ZNF585A: variants seen among roughly 807,000 people sequenced by gnomAD.
ZNF585A encodes zinc finger protein 585A.
ZNF585A carries 9 observed loss-of-function variants against 14.9 expected under a neutral mutation model. That is an observed-to-expected ratio of 0.60 (90% CI 0.36 to 1.05). The LOEUF is 1.05. ZNF585A is among the 50% of genes least tolerant of loss of function. The pLI, the probability that ZNF585A is intolerant of heterozygous loss-of-function variation, is 0.01. For synonymous variants in ZNF585A, 276 were observed against 319.9 expected, an observed-to-expected ratio of 0.86 and a Z score of 1.46; for missense variants, 726 against 926.4, an observed-to-expected ratio of 0.78 and a Z score of 2.81.
At chr19:37,165,548 TTGC>T (rs1203418802) in intron 2 of ZNF585A, 2 of 728,388 alleles carry the variant, frequency 2.7e-6, no homozygotes, top group African/African-American at 3.9e-5. Context: ...TTGGAGTGGG[TTGC>T]TGAGAACATA....
Position 37,151,738 on chromosome 19 carries a change from C to T in ZNF585A, c.2161G>A (p.Ala721Thr), listed in dbSNP as rs774976730. 2 of 1,614,062 alleles carry T rather than the reference C, an allele frequency of 1.2e-6. No individual in the cohort carries two copies. The highest frequency in any genetic ancestry group is 2.2e-5 in the South Asian group (2 of 91,078). ...IHTGEKPYVC[A>T]ECGKAFTDRS... Reference sequence around the variant, plus strand: ...TCAGTAAAGGCCTTCCCACACTCAGCACACACGTAAGGCTTCTCTCCAGTG... The same window carrying T: ...TCAGTAAAGGCCTTCCCACACTCAGTACACACGTAAGGCTTCTCTCCAGTG... Residue 721 changes from alanine (A) to threonine (T), a missense_variant, in exon 5 of 5, where the codon GCT (alanine) becomes ACT (threonine). Around this residue, in one of 2 missense-constraint regions of ZNF585A, gnomAD observed 243 missense variants for 383.6 expected, o/e 0.63. Transcript: ENST00000292841.
intron 2 of ZNF585A, among the ~76,000 whole-genome samples, chr19:37,159,338 T>A (rs190164949): frequency 6.6e-6 from 1 of 152,026 alleles, no homozygotes; most frequent in Admixed American, 6.6e-5. Context: ...TATACTATTA[T>A]CTTTACTTTT....
chr19:37,161,555 A>G (rs1242045983), intron 2 of ZNF585A, among the ~76,000 whole-genome samples: 2 of 152,072 alleles, frequency 1.3e-5, no homozygotes, highest in Admixed American at 1.3e-4. Flanking sequence ...TTTTTCAATA[A>G]AAGTTACATA....
intron 2 of ZNF585A, among the ~76,000 whole-genome samples, chr19:37,156,718 G>T (rs1340674689): frequency 6.6e-6 from 1 of 151,658 alleles, no homozygotes; most frequent in Non-Finnish European, 1.5e-5. Flanking sequence ...CCGAAACAGA[G>T]TCTCGCTCTG....
chr19:37,151,199 T>C lies in ZNF585A; in HGVS notation c.*390A>G, dbSNP rs1971823039. On this transcript the variant is annotated 3_prime_UTR_variant, in exon 5 of 5. Transcript: ENST00000292841. ...ATTCATCACTATCAAAATAACTACG[T>C]ATTATGTTGTTTTATCATTCAATTT... 1 of 410,660 alleles carries C rather than the reference T, an allele frequency of 2.4e-6. No homozygotes were observed. Among genetic ancestry groups the C allele is most frequent in the Admixed American group, 3.9e-5 (1 of 25,700 alleles). The allele number at this position is 410,660 out of a possible 1,614,324, so 25.4% of individuals were successfully genotyped here.
chr19:37,156,238 G>T lies in ZNF585A; in HGVS notation c.190C>A (p.Leu64Ile), dbSNP rs191689150. The change falls in exon 3 of 5, where the codon CTC becomes ATC. Residue 64 changes from leucine to isoleucine, a missense_variant. By Grantham distance (5) the Leu-to-Ile change is conservative. Coordinates refer to ENST00000292841, the MANE Select transcript of ZNF585A (RefSeq NM_001288800.2). ...DVMLETYSHL[L>I]SVGYQVPEAE... ...AGGTGACTGTGCTTACCTACTGAGA[G>T]CAGGTGGCTGTAGGTCTCCAGCATC... The T allele has an allele frequency of 2.5e-6, 4 of 1,614,100 alleles. No homozygotes were observed. The Admixed American group carries it at 6.7e-5, about 27-fold the overall frequency.
chr19:37,165,622 A>G (rs546685573), intron 2 of ZNF585A: 1 of 984,594 alleles, frequency 1.0e-6, no homozygotes, highest in African/African-American at 1.7e-5. Context: ...CTACTCTTCA[A>G]TGCAGTTAGT....
intron 2 of ZNF585A, among the ~76,000 whole-genome samples, chr19:37,160,492 A>C (rs762958320): frequency 2.6e-5 from 4 of 151,958 alleles, no homozygotes; most frequent in Non-Finnish European, 5.9e-5. Context: ...GAGAAAAATC[A>C]CTGTAACACA....
chr19:37,165,453 T>C (rs1854418087), intron 2 of ZNF585A: 2 of 154,672 alleles, frequency 1.3e-5, no homozygotes, highest in Non-Finnish European at 2.8e-5. Context: ...TTAGTACAGT[T>C]TTGCTATATA....
At position 37,153,071 on chromosome 19, in the gene ZNF585A, T is replaced by C. The variant is rs748937252; in HGVS notation, c.828A>G (p.Gly276=). 3.2e-5 allele frequency: 51 copies of C among 1,614,100 alleles called. 1 individual carries two copies. Among genetic ancestry groups the C allele is most frequent in the South Asian group, 1.5e-4 (14 of 91,092 alleles). ...GERSYICIEC[G]QAFIQKTHLI... ...AATGGGTCTTCTGGATGAAGGCCTG[T>C]CCGCATTCAATACAGATGTAGGATC... The change falls in exon 5 of 5, where the codon GGA becomes GGG. Residue 276 remains glycine, a synonymous_variant. Transcript: ENST00000292841.
intron 4 of ZNF585A, among the ~76,000 whole-genome samples, chr19:37,153,884 T>G (rs574553461): frequency 1.3e-5 from 2 of 152,232 alleles, no homozygotes; most frequent in Non-Finnish European, 2.9e-5. Context: ...TTTTCTCTGC[T>G]GATAGCTCTC....
At chr19:37,165,358 C>CA (rs1179207203) in intron 2 of ZNF585A, 2,217 of 97,742 alleles carry the variant, frequency 0.023, 48 homozygotes, top group African/African-American at 0.073. Context: ...GACTATGTCT[C>CA]AAAAAAAAAA....
Position 37,153,197 on chromosome 19 carries a change from T to G in ZNF585A, c.702A>C (p.Lys234Asn), listed in dbSNP as rs746425707. The G allele has an allele frequency of 6.2e-7, 1 of 1,614,196 alleles. No homozygotes were observed. The highest frequency in any genetic ancestry group is 1.1e-5 in the South Asian group (1 of 91,074). Residue 234 changes from lysine to asparagine, a missense_variant, in exon 5 of 5, where the codon AAA becomes AAC. Coordinates refer to ENST00000292841, the MANE Select transcript of ZNF585A (RefSeq NM_001288800.2). ...SYNSDLSIHE[K>N]IHTGERHHEC... ...CATGGTGTCTCTCTCCAGTATGAAT[T>G]TTCTCATGTATACTGAGATCTGAGT...
At chr19:37,167,582 C>CTTTTTA (rs1388022507) in intron 2 of ZNF585A, among the ~76,000 whole-genome samples, 1 of 145,676 alleles carries the variant, frequency 6.9e-6, no homozygotes, top group Non-Finnish European at 1.5e-5. Flanking sequence ...GAGCCTTTTA[C>CTTTTTA]TTTTTATTTT....
chr19:37,159,185 A>G (rs995013919), intron 2 of ZNF585A, among the ~76,000 whole-genome samples: 1 of 143,620 alleles, frequency 7.0e-6, no homozygotes, highest in Non-Finnish European at 1.5e-5. Context: ...GGAGGTGGAG[A>G]TTACAGTGAG....
At chr19:37,161,151 C>G (rs1021398463) in intron 2 of ZNF585A, among the ~76,000 whole-genome samples, 1 of 146,396 alleles carries the variant, frequency 6.8e-6, no homozygotes, top group African/African-American at 2.6e-5. Flanking sequence ...CAGTATTACT[C>G]CAATGTCAAA....
chr19:37,154,609 A>G (rs1971892541), intron 4 of ZNF585A, among the ~76,000 whole-genome samples: 1 of 152,108 alleles, frequency 6.6e-6, no homozygotes. Flanking sequence ...AAGGTCAGGA[A>G]GGGTGATTAA....
intron 2 of ZNF585A, among the ~76,000 whole-genome samples, chr19:37,168,333 G>C (rs1972129066): frequency 6.6e-6 from 1 of 152,196 alleles, no homozygotes; most frequent in Admixed American, 6.5e-5. Flanking sequence ...CTAGAAGCTA[G>C]CCTGGCAGGG....
chr19:37,163,376 G>T (rs1046944407), intron 2 of ZNF585A, among the ~76,000 whole-genome samples: 2 of 150,748 alleles, frequency 1.3e-5, no homozygotes, highest in Non-Finnish European at 3.0e-5. Flanking sequence ...AACTGCTTAG[G>T]GAAAAACAGA....
Sources: gnomAD v4.1 joint callset for allele counts (sites outside exome capture counted in the v4.1 genomes callset) on GRCh38, gnomAD v4.1.1 for gene constraint, gnomAD v4.1.1 regional missense constraint, MANE v1.5 for transcripts, NCBI Gene and HGNC (gene_info 2026-07-23, HGNC 2026-07-21) for gene names.